RNF126: variants seen among roughly 807,000 people sequenced by gnomAD.
RNF126 encodes the protein ring finger protein 126.
In RNF126, 20 loss-of-function variants were observed where a neutral mutation model predicts 41.9. The observed-to-expected ratio is 0.48, with a 90% CI of 0.34 to 0.69. The LOEUF (loss-of-function observed/expected upper bound fraction) is 0.69. Among genes scored for constraint, RNF126 ranks in the 30% least tolerant of loss-of-function variants. The probability of loss-of-function intolerance (pLI) is 0.01; values close to 1 mark genes in which losing one functional copy is unlikely to be tolerated. For missense variants in RNF126, 433 were observed against 460.6 expected, an observed-to-expected ratio of 0.94 and a Z score of 0.55; for synonymous variants, 239 against 202.9, an observed-to-expected ratio of 1.18 and a Z score of -1.51.
At position 662,970 on chromosome 19, in the gene RNF126, A is replaced by T. The variant is rs894958558; in HGVS notation, c.75+77T>A. On this transcript the variant is annotated intron_variant, in intron 1 of 8. Transcript: ENST00000292363. ...CTCGCGCAAGAGGCGGGCGCAAGCGACCCCCACCCCGGCCCCGGCCTTGCC... is the reference window on the plus strand; with the variant it reads ...CTCGCGCAAGAGGCGGGCGCAAGCGTCCCCCACCCCGGCCCCGGCCTTGCC... 7.1e-4 allele frequency: 448 copies of T among 630,306 alleles called. 1 individual carries two copies. Among genetic ancestry groups the T allele is most frequent in the Admixed American group, 1.6e-3 (34 of 20,988 alleles). 39.0% of individuals were successfully genotyped at this position (630,306 alleles called of 1,614,324 possible). A position where few individuals can be genotyped will look rare whatever the true frequency, so the allele number is the denominator to read the frequency against.
chr19:652,514 C>A (rs908943481), intron 2 of RNF126: 2 of 605,250 alleles, frequency 3.3e-6, no homozygotes, highest in Non-Finnish European at 5.8e-6. Context: ...CCAACAGCCT[C>A]CTAAGCGTGA....
At chr19:650,438 G>T in intron 4 of RNF126, 142 bp from the exon 5 acceptor site, 3 of 710,520 alleles carry the variant, frequency 4.2e-6, no homozygotes, top group Non-Finnish European at 7.0e-6. Flanking sequence ...TTTACTATGA[G>T]CCAGGGTCTC....
chr19:660,587 G>C (rs1270156487), intron 1 of RNF126, among the ~76,000 whole-genome samples: 1 of 152,218 alleles, frequency 6.6e-6, no homozygotes, highest in Non-Finnish European at 1.5e-5. Flanking sequence ...ATACGGAGCA[G>C]CCGTCCCTCC....
chr19:660,532 G>C (rs1051797781), intron 1 of RNF126, among the ~76,000 whole-genome samples: 1 of 152,242 alleles, frequency 6.6e-6, no homozygotes, highest in African/African-American at 2.4e-5. Flanking sequence ...GAGACGCCCC[G>C]TTTCGAGGGC....
intron 5 of RNF126, 131 bp downstream of exon 5, chr19:650,103 C>T (rs2030200300): frequency 4.9e-6 from 4 of 812,396 alleles, no homozygotes; most frequent in Middle Eastern, 3.7e-4. Flanking sequence ...CACCAGGGGC[C>T]CAGGCTGGGG....
chr19:662,062 T>C (rs753873207), intron 1 of RNF126, among the ~76,000 whole-genome samples: 3 of 152,246 alleles, frequency 2.0e-5, no homozygotes, highest in Non-Finnish European at 4.4e-5. Flanking sequence ...CTCACACCTG[T>C]AATCCCAGCG....
At chr19:661,027 C>T (rs2030778670) in intron 1 of RNF126, among the ~76,000 whole-genome samples, 1 of 152,246 alleles carries the variant, frequency 6.6e-6, no homozygotes, top group Non-Finnish European at 1.5e-5. Flanking sequence ...AATCACTGTT[C>T]CATGCTGGCT....
intron 2 of RNF126, 63 bp downstream of exon 2, chr19:652,763 C>T (rs2030380427): frequency 1.3e-6 from 2 of 1,496,160 alleles, no homozygotes; most frequent in Admixed American, 1.7e-5. Context: ...GCACAGCCCA[C>T]ACCCCTACAA....
chr19:662,978 C>T (rs1304227613), intron 1 of RNF126, 69 bp downstream of exon 1: 2 of 769,490 alleles, frequency 2.6e-6, no homozygotes, highest in Non-Finnish European at 3.5e-6. Context: ...CGACCCCCAC[C>T]CCGGCCCCGG....
rs3787008 is a variant in RNF126, at chr19:660,872, G to A, written c.75+2175C>T. ...GTTCTGACACTGCCATGCTGTCTAC[G>A]GGCGCCTTGTTGCGTCCTGCTCCAA... On this transcript the variant is annotated intron_variant, in intron 1 of 8. Coordinates refer to ENST00000292363, the MANE Select transcript of RNF126 (RefSeq NM_194460.3). Among the ~76,000 whole-genome samples the A allele has an allele frequency of 9.2e-5, 14 of 152,304 alleles. No individual in the cohort carries two copies. In the East Asian group the frequency reaches 1.4e-3, roughly 15 times the overall value.
chr19:652,279 G>A lies in RNF126; in HGVS notation c.152C>T (p.Ser51Phe). 6.4e-7 allele frequency: 1 copy of A among 1,559,110 alleles called. No individual in the cohort carries two copies. The highest frequency in any genetic ancestry group is 8.6e-7 in the Non-Finnish European group (1 of 1,160,230). The part of the protein sequence containing the change: ...PEETRSTENG[S>F]APSTAPTDQS... ...GTCTGTGGGAGCTGTGGAGGGGGCAGAACCATTTTCTGTGCTCCTGGGGAG... is the reference window on the plus strand; with the variant it reads ...GTCTGTGGGAGCTGTGGAGGGGGCAAAACCATTTTCTGTGCTCCTGGGGAG... Residue 51 changes from serine to phenylalanine, a missense_variant, in exon 3 of 9, where the codon TCT becomes TTT. Ser to Phe is a radical substitution (Grantham distance 155). This residue lies in a region of RNF126 where 247 missense variants were observed against 224.7 expected (regional missense o/e 1.10). Transcript: ENST00000292363.
At chr19:649,109 C>G in intron 6 of RNF126, 134 bp from the exon 7 acceptor site, 1 of 412,344 alleles carries the variant, frequency 2.4e-6, no homozygotes. Context: ...GGAGCCCGCC[C>G]GGGGTCGGAG....
At chr19:652,626 C>T (rs2144762980) in intron 2 of RNF126, 200 bp downstream of exon 2, 3 of 618,192 alleles carry the variant, frequency 4.9e-6, no homozygotes, top group Admixed American at 2.9e-5. Flanking sequence ...GTTGCCGGCA[C>T]TCCCCTCTGG....
Position 652,586 on chromosome 19 carries a change from C to T in RNF126, c.134+240G>A, listed in dbSNP as rs565910960. On this transcript the variant is annotated intron_variant, in intron 2 of 8. Transcript: ENST00000292363. ...GGGCCTGGGTCACCAGATTAGCCGC[C>T]GAGGCTGAGGGAGGTGAGCGGCTGC... 90 of 606,530 alleles carry T rather than the reference C, an allele frequency of 1.5e-4. 1 individual carries two copies. The highest frequency in any genetic ancestry group is 1.3e-3 in the Middle Eastern group (3 of 2,270). 37.6% of individuals were successfully genotyped at this position (606,530 alleles called of 1,614,324 possible).
rs1311867533 is a variant in RNF126, at chr19:649,231, G to GGC, written c.577-257_577-256insGC. The GGC allele has an allele frequency of 4.3e-5, 11 of 254,688 alleles. No homozygotes were observed. The East Asian group carries it at 5.8e-4, about 13-fold the overall frequency. 15.8% of individuals were successfully genotyped at this position (254,688 alleles called of 1,614,324 possible). A position where few individuals can be genotyped will look rare whatever the true frequency, so the allele number is the denominator to read the frequency against. On this transcript the variant is annotated intron_variant, in intron 6 of 8. Coordinates refer to ENST00000292363, the MANE Select transcript of RNF126 (RefSeq NM_194460.3). ...CCCTGACAGCGGAATGGGGGGGGGG[G>GGC]CCGCGCTCCTGAGTGCCCTGACGGC... is the stretch of plus-strand genomic sequence containing the variant.
Position 649,691 on chromosome 19 carries a change from G to A in RNF126, c.564C>T (p.Ala188=). Residue 188 remains alanine, a synonymous_variant, in exon 6 of 9, where the codon GCC becomes GCT. Coordinates refer to ENST00000292363, the MANE Select transcript of RNF126 (RefSeq NM_194460.3). Reference sequence around the variant, plus strand: ...GGCCACGCTGTACCTGTGTGATGATGGCATCCAGGCCGTTGGCCCCCCAGG... The same window carrying A: ...GGCCACGCTGTACCTGTGTGATGATAGCATCCAGGCCGTTGGCCCCCCAGG... ...DYAWGANGLD[A]IITQLLNQFE... 1 of 1,566,434 alleles carries A rather than the reference G, an allele frequency of 6.4e-7. No individual in the cohort carries two copies. The highest frequency in any genetic ancestry group is 8.7e-7 in the Non-Finnish European group (1 of 1,154,058).
At chr19:657,365 G>A (rs956200764) in intron 1 of RNF126, among the ~76,000 whole-genome samples, 5 of 152,310 alleles carry the variant, frequency 3.3e-5, no homozygotes, top group Middle Eastern at 3.4e-3. Context: ...AGGGCACAAC[G>A]CATGCTCCCG....
At chr19:660,840 C>T (rs1310034241) in intron 1 of RNF126, among the ~76,000 whole-genome samples, 3 of 152,204 alleles carry the variant, frequency 2.0e-5, no homozygotes, top group African/African-American at 4.8e-5. Context: ...CTGCCACGTA[C>T]GGAGAAGTTC....
intron 1 of RNF126, among the ~76,000 whole-genome samples, chr19:657,541 G>A (rs1375966457): frequency 6.6e-6 from 1 of 152,168 alleles, no homozygotes; most frequent in African/African-American, 2.4e-5. Context: ...CTCCAGCGTC[G>A]GGGCCTGTGC....
Sources: gnomAD v4.1 joint callset for allele counts (sites outside exome capture counted in the v4.1 genomes callset) on GRCh38, gnomAD v4.1.1 for gene constraint, gnomAD v4.1.1 regional missense constraint, MANE v1.5 for transcripts, NCBI Gene and HGNC (gene_info 2026-07-23, HGNC 2026-07-21) for gene names.